SGCZ: variants seen among roughly 807,000 people sequenced by gnomAD.
The protein encoded by SGCZ is zeta-sarcoglycan.
In SGCZ, 40 loss-of-function variants were observed where a neutral mutation model predicts 41.3. That is an observed-to-expected ratio of 0.97 (90% CI 0.75 to 1.26). SGCZ has a LOEUF of 1.26. Among genes scored for constraint, SGCZ ranks in the 50% most tolerant of loss-of-function variants. The pLI is 0.00. For missense variants in SGCZ, 552 were observed against 369.8 expected (o/e 1.49, Z -4.04); for synonymous variants, 206 against 137.5 (o/e 1.50, Z -3.49).
chr8:15,029,079 A>G (rs1414101087), intron 1 of SGCZ, among the ~76,000 whole-genome samples: 1 of 152,104 alleles, frequency 6.6e-6, no homozygotes, highest in Non-Finnish European at 1.5e-5. Context: ...AAAGATTAGC[A>G]TTCCAAACCA....
At chr8:14,349,382 T>C (rs1803007711) in intron 2 of SGCZ, among the ~76,000 whole-genome samples, 1 of 152,088 alleles carries the variant, frequency 6.6e-6, no homozygotes, top group Admixed American at 6.6e-5. Flanking sequence ...CCTTTTATAG[T>C]ATATATTTGT....
At chr8:14,114,634 A>G (rs1191308718) in intron 5 of SGCZ, among the ~76,000 whole-genome samples, 1 of 152,022 alleles carries the variant, frequency 6.6e-6, no homozygotes, top group East Asian at 1.9e-4. Context: ...AAAAAGAGAT[A>G]AGGAAAAAGA....
intron 2 of SGCZ, among the ~76,000 whole-genome samples, chr8:14,408,620 A>G (rs897434987): frequency 1.3e-5 from 2 of 152,076 alleles, no homozygotes; most frequent in African/African-American, 4.8e-5. Context: ...CCCCTGTATA[A>G]TATTCTGCAG....
chr8:14,989,360 C>T (rs1489512327), intron 1 of SGCZ, among the ~76,000 whole-genome samples: 1 of 152,004 alleles, frequency 6.6e-6, no homozygotes, highest in African/African-American at 2.4e-5. Context: ...GTGGTGTATG[C>T]CTATAGTCTT....
intron 1 of SGCZ, among the ~76,000 whole-genome samples, chr8:14,660,388 A>G (rs1807708459): frequency 6.6e-6 from 1 of 151,910 alleles, no homozygotes; most frequent in Non-Finnish European, 1.5e-5. Flanking sequence ...CCTAGGCAAC[A>G]TGGTGAAACC....
At chr8:14,278,832 A>G (rs1353124932) in intron 3 of SGCZ, among the ~76,000 whole-genome samples, 3 of 152,104 alleles carry the variant, frequency 2.0e-5, no homozygotes, top group Non-Finnish European at 2.9e-5. Flanking sequence ...TGTGTTTGTG[A>G]TATACTCAAA....
intron 1 of SGCZ, among the ~76,000 whole-genome samples, chr8:14,895,904 G>A (rs1012355550): frequency 6.6e-6 from 1 of 152,024 alleles, no homozygotes; most frequent in East Asian, 1.9e-4. Flanking sequence ...AAGTTCTTCT[G>A]GTATTTATAA....
At chr8:14,907,740 A>G (rs1273720092) in intron 1 of SGCZ, among the ~76,000 whole-genome samples, 1 of 152,118 alleles carries the variant, frequency 6.6e-6, no homozygotes, top group Admixed American at 6.5e-5. Context: ...CTCTCTCTAC[A>G]CTACAACCTA....
At chr8:14,906,174 C>T (rs1352302910) in intron 1 of SGCZ, among the ~76,000 whole-genome samples, 2 of 152,110 alleles carry the variant, frequency 1.3e-5, no homozygotes, top group East Asian at 1.9e-4. Flanking sequence ...CTCTAGGACA[C>T]ATACTGCAGG....
At chr8:14,752,638 GC>G (rs1435580985) in intron 1 of SGCZ, among the ~76,000 whole-genome samples, 1 of 152,080 alleles carries the variant, frequency 6.6e-6, no homozygotes, top group African/African-American at 2.4e-5. Flanking sequence ...AAAAATATTT[GC>G]AAAATAAATG....
At chr8:14,312,329 A>T (rs1329681292) in intron 3 of SGCZ, among the ~76,000 whole-genome samples, 1 of 151,710 alleles carries the variant, frequency 6.6e-6, no homozygotes, top group Non-Finnish European at 1.5e-5. Context: ...GGGGAAAAAA[A>T]GTAATTTTTT....
intron 1 of SGCZ, among the ~76,000 whole-genome samples, chr8:15,015,324 A>G (rs969160008): frequency 1.3e-5 from 2 of 152,210 alleles, no homozygotes; most frequent in African/African-American, 4.8e-5. Context: ...TCAATTGACA[A>G]ATAGATGATA....
chr8:14,811,955 T>C (rs1801751090), intron 1 of SGCZ, among the ~76,000 whole-genome samples: 1 of 152,002 alleles, frequency 6.6e-6, no homozygotes, highest in Non-Finnish European at 1.5e-5. Flanking sequence ...TATCCTGAGC[T>C]GGAGTTCTCA....
At chr8:14,685,985 G>T (rs1002588323) in intron 1 of SGCZ, among the ~76,000 whole-genome samples, 1 of 152,048 alleles carries the variant, frequency 6.6e-6, no homozygotes, top group Non-Finnish European at 1.5e-5. Context: ...CAATATGGTG[G>T]TCTAAAAGGA....
intron 2 of SGCZ, among the ~76,000 whole-genome samples, chr8:14,405,128 T>A (rs1212657149): frequency 1.3e-5 from 2 of 152,218 alleles, no homozygotes; most frequent in African/African-American, 2.4e-5. Context: ...AAGGGCTGAC[T>A]GTGAGTGTTC....
chr8:15,095,683 T>C (rs1480925301), intron 1 of SGCZ, among the ~76,000 whole-genome samples: 3 of 152,138 alleles, frequency 2.0e-5, no homozygotes, highest in African/African-American at 7.2e-5. Flanking sequence ...CAAAAGCCCA[T>C]TGACCTTTAC....
intron 1 of SGCZ, among the ~76,000 whole-genome samples, chr8:14,564,931 T>C (rs1263017635): frequency 2.0e-5 from 3 of 152,088 alleles, no homozygotes; most frequent in Non-Finnish European, 4.4e-5. Context: ...ATTTGCTGTA[T>C]AAGAAAAACG....
intron 1 of SGCZ, among the ~76,000 whole-genome samples, chr8:14,729,668 C>CAATT (rs1810167918): frequency 6.6e-6 from 1 of 152,060 alleles, no homozygotes. Flanking sequence ...ATCAATCAAT[C>CAATT]AATCAATCAA....
In SGCZ at chr8:14,841,806, A is replaced by G. The variant is rs531498304; in HGVS notation, c.40-286880T>C. Among the ~76,000 whole-genome samples, 74 of 152,180 alleles carry G rather than the reference A, an allele frequency of 4.9e-4. 1 individual carries two copies. The highest frequency in any genetic ancestry group is 1.5e-4 in the Non-Finnish European group (10 of 68,016). On this transcript the variant is annotated intron_variant, in intron 1 of 7. Transcript: ENST00000382080. ...ATTTTATGCAATGTTGTCATCTTAC[A>G]AGTGAGGAAATTGAGACCTGGAAAA... is the stretch of plus-strand genomic sequence containing the variant.
Sources: allele counts gnomAD v4.1 joint callset (sites outside exome capture counted in the v4.1 genomes callset), GRCh38; gene constraint gnomAD v4.1.1; transcripts MANE v1.5; gene names NCBI Gene and HGNC (gene_info 2026-07-23, HGNC 2026-07-21).